Variants in DMD observed in about 807,000 individuals in gnomAD.
The protein encoded by DMD is mutant dystrophin.
Under a neutral mutation model 330.1 loss-of-function variants are expected in DMD, and 63 were observed. The ratio of observed to expected loss-of-function variants is 0.19; its 90% CI spans 0.16 to 0.24. DMD has a LOEUF of 0.24. Among genes scored for constraint, DMD ranks in the 10% least tolerant of loss-of-function variants. The pLI is 1.00. For missense variants in DMD, 3,344 were observed against 2,684.1 expected (o/e 1.25, Z -5.43); for synonymous variants, 1,223 against 959.8 (o/e 1.27, Z -5.07).
chrX:31,676,743 T>C (rs1185387824), intron 53 of DMD, among the ~76,000 whole-genome samples: 1 of 112,287 alleles, frequency 8.9e-6, no homozygotes, highest in Non-Finnish European at 1.9e-5. Flanking sequence ...CTAAGAATAA[T>C]AAGAGTACTT....
intron 2 of DMD, among the ~76,000 whole-genome samples, chrX:32,863,641 C>T (rs1422183110): frequency 9.2e-6 from 1 of 108,653 alleles, no homozygotes; most frequent in Non-Finnish European, 1.9e-5. Flanking sequence ...TACTCAGTTC[C>T]AGGGAAATTG....
intron 9 of DMD, among the ~76,000 whole-genome samples, chrX:32,662,200 A>G (rs984784433): frequency 7.2e-5 from 8 of 111,797 alleles, no homozygotes; most frequent in Non-Finnish European, 1.1e-4. Context: ...TTTTATATAT[A>G]GGCTTTATAT....
chrX:31,558,103 T>C (rs1029073561), intron 55 of DMD, among the ~76,000 whole-genome samples: 5 of 112,402 alleles, frequency 4.4e-5, no homozygotes, highest in East Asian at 2.8e-4. Flanking sequence ...CAAAGTGTCA[T>C]GTGAATTATC....
At chrX:32,783,898 T>A (rs997258872) in intron 7 of DMD, among the ~76,000 whole-genome samples, 12 of 109,654 alleles carry the variant, frequency 1.1e-4, no homozygotes, top group Admixed American at 6.9e-4. Flanking sequence ...TTTTTCATAC[T>A]TAAAGCTGCT....
chrX:31,483,087 C>T (rs1005654053), intron 57 of DMD, among the ~76,000 whole-genome samples: 9 of 97,154 alleles, frequency 9.3e-5, no homozygotes, highest in South Asian at 5.4e-4. Context: ...CGCTCTGTCG[C>T]CCAGGCTGGA....
chrX:32,586,971 A>T (rs959034501), intron 13 of DMD, among the ~76,000 whole-genome samples: 16 of 111,439 alleles, frequency 1.4e-4, no homozygotes, highest in African/African-American at 2.3e-4. Flanking sequence ...AGTTTTTTTT[A>T]AATGCATTTA....
intron 1 of DMD, among the ~76,000 whole-genome samples, chrX:33,167,498 T>A (rs972552671): frequency 1.8e-5 from 2 of 111,376 alleles, no homozygotes; most frequent in Non-Finnish European, 3.8e-5. Flanking sequence ...TATTCTAATG[T>A]ATCCTTCACC....
chrX:31,498,740 T>C (rs1380560427), intron 56 of DMD, among the ~76,000 whole-genome samples: 1 of 111,988 alleles, frequency 8.9e-6, no homozygotes, highest in Non-Finnish European at 1.9e-5. Flanking sequence ...ATAAACAATA[T>C]GTCCAGGAAA....
chrX:32,605,923 G>A (rs1418557036), intron 12 of DMD, among the ~76,000 whole-genome samples: 2 of 109,919 alleles, frequency 1.8e-5, no homozygotes, highest in East Asian at 2.9e-4. Context: ...CAGAGTAGGT[G>A]TATTTGTGGG....
At chrX:31,815,387 T>C (rs1603476537) in intron 50 of DMD, among the ~76,000 whole-genome samples, 1 of 108,576 alleles carries the variant, frequency 9.2e-6, no homozygotes, top group Non-Finnish European at 1.9e-5. Flanking sequence ...GAGGCAGAGG[T>C]TGCTGTGAGC....
At chrX:32,605,704 A>T (rs764171441) in intron 12 of DMD, among the ~76,000 whole-genome samples, 53 of 111,272 alleles carry the variant, frequency 4.8e-4, no homozygotes, top group African/African-American at 1.6e-3. Flanking sequence ...AAGAAGAAAA[A>T]TAGATAACCC....
intron 7 of DMD, among the ~76,000 whole-genome samples, chrX:32,800,839 G>C (rs776403359): frequency 5.4e-5 from 6 of 110,919 alleles, no homozygotes; most frequent in Non-Finnish European, 1.1e-4. Context: ...TGAGAATGAT[G>C]TTTTCCAGCT....
chrX:33,192,407 G>A (rs2050706331), intron 1 of DMD, among the ~76,000 whole-genome samples: 1 of 112,115 alleles, frequency 8.9e-6, no homozygotes, highest in African/African-American at 3.2e-5. Context: ...ATGCCTATTT[G>A]TACTCATCGA....
chrX:31,996,510 T>C (rs16990006), intron 44 of DMD, among the ~76,000 whole-genome samples: 9,585 of 111,327 alleles, frequency 0.086, 729 homozygotes, highest in African/African-American at 0.24. Flanking sequence ...TAATGGCAAC[T>C]GGGAACAAAA....
chrX:33,308,253 T>C (rs979762310), intron 1 of DMD, among the ~76,000 whole-genome samples: 3 of 112,167 alleles, frequency 2.7e-5, no homozygotes, highest in African/African-American at 9.7e-5. Flanking sequence ...CCTTCCTACA[T>C]GTCCTTGCCT....
chrX:32,280,404 T>A (rs1411432521), intron 43 of DMD, among the ~76,000 whole-genome samples: 2 of 109,683 alleles, frequency 1.8e-5, no homozygotes, highest in African/African-American at 6.6e-5. Flanking sequence ...GACTTGCTTG[T>A]TTTTTACCCC....
intron 44 of DMD, among the ~76,000 whole-genome samples, chrX:32,195,441 G>A (rs1490419378): frequency 9.0e-6 from 1 of 111,642 alleles, no homozygotes; most frequent in Non-Finnish European, 1.9e-5. Flanking sequence ...TAGGATTGAA[G>A]GTATAGTCTC....
At chrX:31,712,238 A>G (rs1043814169) in intron 52 of DMD, among the ~76,000 whole-genome samples, 1 of 111,790 alleles carries the variant, frequency 8.9e-6, no homozygotes, top group South Asian at 3.7e-4. Flanking sequence ...ATAGAGAAGT[A>G]ATTCGCCACA....
intron 7 of DMD, among the ~76,000 whole-genome samples, chrX:32,782,656 T>C (rs1360497848): frequency 1.8e-5 from 2 of 110,946 alleles, no homozygotes; most frequent in Admixed American, 9.7e-5. Context: ...GGGCCCTCCG[T>C]ATCTGCGGGT....
Sources: allele counts gnomAD v4.1 joint callset (sites outside exome capture counted in the v4.1 genomes callset), GRCh38; gene constraint gnomAD v4.1.1; transcripts MANE v1.5; gene names NCBI Gene and HGNC (gene_info 2026-07-23, HGNC 2026-07-21).